Variants in RGS6 observed in about 807,000 individuals in gnomAD.
RGS6 encodes regulator of G-protein signaling 6.
A neutral mutation model predicts 78.5 loss-of-function variants in RGS6; 30 were observed. The observed-to-expected ratio is 0.38, with a 90% CI of 0.29 to 0.52. RGS6 has a LOEUF of 0.52. RGS6 is among the 20% of genes least tolerant of loss of function. The probability of loss-of-function intolerance (pLI) is 0.85; values close to 1 mark genes in which losing one functional copy is unlikely to be tolerated. For missense variants in RGS6, 495 were observed against 609.7 expected, an observed-to-expected ratio of 0.81 and a Z score of 1.98; for synonymous variants, 206 against 206.0, an observed-to-expected ratio of 1.00 and a Z score of 0.00.
chr14:72,497,829 T>C (rs1343691149), intron 13 of RGS6, among the ~76,000 whole-genome samples: 1 of 147,824 alleles, frequency 6.8e-6, no homozygotes, highest in Non-Finnish European at 1.5e-5. Flanking sequence ...CTCAGGATTT[T>C]TTTTCTCTTT....
chr14:72,591,829 T>C, the RGS6 span, among the ~76,000 whole-genome samples: 2 of 151,938 alleles, frequency 1.3e-5, no homozygotes, highest in Admixed American at 1.3e-4. Context: ...GCCTGAAGGG[T>C]TGGGTATCCT....
At chr14:71,887,622 G>A in the RGS6 span, among the ~76,000 whole-genome samples, 1 of 152,130 alleles carries the variant, frequency 6.6e-6, no homozygotes, top group Non-Finnish European at 1.5e-5. Flanking sequence ...GTACCTTCAG[G>A]CTTACTAGGG....
intron 2 of RGS6, among the ~76,000 whole-genome samples, chr14:72,067,648 C>T (rs534781953): frequency 6.6e-6 from 1 of 151,896 alleles, no homozygotes; most frequent in South Asian, 2.1e-4. Flanking sequence ...GGTTTTGCCT[C>T]CTATTAAGTC....
chr14:72,147,137 T>C (rs1209433915), intron 2 of RGS6, among the ~76,000 whole-genome samples: 1 of 152,246 alleles, frequency 6.6e-6, no homozygotes, highest in Non-Finnish European at 1.5e-5. Context: ...GTTCTTTTCT[T>C]CCTCTGAGTT....
intron 2 of RGS6, among the ~76,000 whole-genome samples, chr14:72,334,884 T>C (rs576790811): frequency 6.6e-6 from 1 of 152,300 alleles, no homozygotes; most frequent in African/African-American, 2.4e-5. Context: ...TGCTTCTACC[T>C]GCTGCACACA....
chr14:72,615,166 C>T, the RGS6 span, among the ~76,000 whole-genome samples: 2 of 152,154 alleles, frequency 1.3e-5, no homozygotes, highest in Non-Finnish European at 2.9e-5. Context: ...CCAGCACTTC[C>T]ACGACAGGCT....
At chr14:72,270,132 C>A (rs1419988068) in intron 2 of RGS6, among the ~76,000 whole-genome samples, 3 of 152,134 alleles carry the variant, frequency 2.0e-5, no homozygotes, top group Non-Finnish European at 4.4e-5. Context: ...GTAGAGGAGA[C>A]CTTGACAAAT....
At chr14:71,868,925 G>A in the RGS6 span, among the ~76,000 whole-genome samples, 4 of 152,192 alleles carry the variant, frequency 2.6e-5, no homozygotes, top group East Asian at 5.8e-4. Context: ...TGACCAATAA[G>A]AGATGTCCCC....
intron 2 of RGS6, among the ~76,000 whole-genome samples, chr14:72,211,911 G>A (rs1168049264): frequency 1.3e-5 from 2 of 152,172 alleles, no homozygotes; most frequent in Non-Finnish European, 2.9e-5. Flanking sequence ...ATTAAAATTA[G>A]AAACTAGACA....
intron 2 of RGS6, among the ~76,000 whole-genome samples, chr14:71,966,699 A>C (rs1055073412): frequency 1.5e-4 from 23 of 152,218 alleles, no homozygotes; most frequent in Non-Finnish European, 1.5e-5. Flanking sequence ...AAATCGAATG[A>C]GGCATCTTAT....
chr14:72,102,804 GT>G (rs1183995889), intron 2 of RGS6, among the ~76,000 whole-genome samples: 1 of 152,146 alleles, frequency 6.6e-6, no homozygotes, highest in Non-Finnish European at 1.5e-5. Flanking sequence ...ATTGGCTAAA[GT>G]TTGGCAATCT....
At chr14:72,482,157 C>T (rs1452576261) in intron 12 of RGS6, among the ~76,000 whole-genome samples, 1 of 152,140 alleles carries the variant, frequency 6.6e-6, no homozygotes, top group Non-Finnish European at 1.5e-5. Context: ...ATGGTTCATC[C>T]ACTTTACTTC....
chr14:72,427,607 A>T (rs779542097), intron 3 of RGS6, among the ~76,000 whole-genome samples: 1 of 151,934 alleles, frequency 6.6e-6, no homozygotes, highest in African/African-American at 2.4e-5. Context: ...GGTGGCAGGG[A>T]TGGAGGAGTC....
chr14:72,303,144 A>G (rs1045955544), intron 2 of RGS6, among the ~76,000 whole-genome samples: 1 of 152,174 alleles, frequency 6.6e-6, no homozygotes, highest in African/African-American at 2.4e-5. Context: ...CTTTACCTAC[A>G]TTCTTTTTTT....
intron 2 of RGS6, among the ~76,000 whole-genome samples, chr14:72,023,263 G>T (rs946649496): frequency 6.6e-6 from 1 of 152,190 alleles, no homozygotes; most frequent in African/African-American, 2.4e-5. Flanking sequence ...ATTTGGTGGA[G>T]CTCCTTTTTC....
At chr14:72,497,850 A>T (rs1452770006) in intron 13 of RGS6, among the ~76,000 whole-genome samples, 3 of 130,248 alleles carry the variant, frequency 2.3e-5, no homozygotes, top group African/African-American at 4.4e-5. Flanking sequence ...TTTAAAAATT[A>T]TTGCTGCTTT....
chr14:72,467,839 T>G (rs1424598571), intron 7 of RGS6, among the ~76,000 whole-genome samples: 3 of 152,120 alleles, frequency 2.0e-5, no homozygotes, highest in Non-Finnish European at 4.4e-5. Context: ...ACAGCACCCC[T>G]CCTTCAAAAG....
At chr14:72,579,377 A>G in the RGS6 span, among the ~76,000 whole-genome samples, 4 of 152,234 alleles carry the variant, frequency 2.6e-5, no homozygotes, top group African/African-American at 9.6e-5. Flanking sequence ...ACAGCACTCT[A>G]TCTTGGCTGC....
Position 72,564,968 on chromosome 14 carries a change from G to C in RGS6, c.*2501G>C, listed in dbSNP as rs1213972044. The C allele has an allele frequency of 6.6e-6, 1 of 152,252 alleles. No homozygotes were observed. The highest frequency in any genetic ancestry group is 1.5e-5 in the Non-Finnish European group (1 of 68,086). 9.4% of individuals were successfully genotyped at this position (152,252 alleles called of 1,614,324 possible). A position where few individuals can be genotyped will look rare whatever the true frequency, so the allele number is the denominator to read the frequency against. ...TCAAGCCAGAAGCTTTGCAAGAAGG[G>C]AGTGGAACGAGGCTGCCTATCCAAG... On this transcript the variant is annotated 3_prime_UTR_variant, in exon 18 of 18. Coordinates refer to ENST00000553525, the MANE Select transcript of RGS6 (RefSeq NM_001204424.2).
Sources: allele counts gnomAD v4.1 joint callset (sites outside exome capture counted in the v4.1 genomes callset), GRCh38; gene constraint gnomAD v4.1.1; transcripts MANE v1.5; gene names NCBI Gene and HGNC (gene_info 2026-07-23, HGNC 2026-07-21).